Variants in PRCP observed in about 807,000 individuals in gnomAD.
PRCP encodes lysosomal Pro-X carboxypeptidase.
In PRCP, 46 loss-of-function variants were observed where a neutral mutation model predicts 54.2. That is an observed-to-expected ratio of 0.85 (90% CI 0.67 to 1.09). The LOEUF (loss-of-function observed/expected upper bound fraction) is 1.09. PRCP is among the 50% of genes least tolerant of loss of function. PRCP has a pLI of 0.00. For synonymous variants in PRCP, 240 were observed against 212.2 expected, an observed-to-expected ratio of 1.13 and a Z score of -1.14; for missense variants, 613 against 596.8, an observed-to-expected ratio of 1.03 and a Z score of -0.28.
At position 82,839,303 on chromosome 11, in the gene PRCP, C is replaced by T. The variant is rs1043868636; in HGVS notation, c.1044G>A (p.Glu348=). 6.2e-7 allele frequency: 1 copy of T among 1,614,002 alleles called. No homozygotes were observed. The highest frequency in any genetic ancestry group is 1.3e-5 in the African/African-American group (1 of 75,030). Residue 348 remains glutamate, a synonymous_variant, in exon 7 of 9, where the codon GAG becomes GAA. Transcript: ENST00000313010. ...SGQVKCLNIS[E]TATSSLGTLG... Reference sequence around the variant, plus strand: ...GTGTTCCCAGACTGCTAGTTGCTGTCTCTGAAATATTCAGGCATTTCACCT... The same window carrying T: ...GTGTTCCCAGACTGCTAGTTGCTGTTTCTGAAATATTCAGGCATTTCACCT...
At chr11:82,854,427 T>C (rs1859031310) in intron 2 of PRCP, among the ~76,000 whole-genome samples, 2 of 151,758 alleles carry the variant, frequency 1.3e-5, no homozygotes, top group South Asian at 2.1e-4. Flanking sequence ...GAATGAAATA[T>C]CCAGGAATAC....
chr11:82,865,323 G>A (rs1331763060), intron 1 of PRCP, among the ~76,000 whole-genome samples: 1 of 152,146 alleles, frequency 6.6e-6, no homozygotes, highest in Non-Finnish European at 1.5e-5. Context: ...ACTTAAGAGT[G>A]AGTATCTTTC....
chr11:82,900,380 A>T lies in PRCP; in HGVS notation c.23T>A (p.Leu8His). ...GGGCGCCAGAAAAGACAGAAGCAGG[A>T]GCAGGAGGGCTCGGCGGCCCATGGC... MGRRALLLLLLSFLAPWA... is the reference protein window; with the variant it reads MGRRALLHLLLSFLAPWA... The change falls in exon 1 of 9, where the codon CTC (leucine) becomes CAC (histidine). Residue 8 changes from leucine (L) to histidine (H), a missense_variant. Coordinates refer to ENST00000313010, the MANE Select transcript of PRCP (RefSeq NM_005040.4). 1 of 1,613,836 alleles carries T rather than the reference A, an allele frequency of 6.2e-7. No individual in the cohort carries two copies. Among genetic ancestry groups the T allele is most frequent in the Non-Finnish European group, 8.5e-7 (1 of 1,179,874 alleles).
intron 8 of PRCP, among the ~76,000 whole-genome samples, chr11:82,832,701 A>T (rs1256986441): frequency 6.6e-6 from 1 of 152,174 alleles, no homozygotes; most frequent in Non-Finnish European, 1.5e-5. Flanking sequence ...AGAAGTCTTT[A>T]GTTTAATTAG....
intron 1 of PRCP, among the ~76,000 whole-genome samples, chr11:82,867,671 C>A (rs1274931242): frequency 6.6e-6 from 1 of 152,166 alleles, no homozygotes; most frequent in African/African-American, 2.4e-5. Context: ...AATGACACAC[C>A]ACCAGAGGGC....
Position 82,849,945 on chromosome 11 carries a change from G to A in PRCP, c.720C>T (p.Ser240=), listed in dbSNP as rs374219699. 6.6e-7 allele frequency: 1 copy of A among 1,526,682 alleles called. No individual in the cohort carries two copies. The allele number at this position is 1,526,682 out of a possible 1,614,324, so 94.6% of individuals were successfully genotyped here. A position where few individuals can be genotyped will look rare whatever the true frequency, so the allele number is the denominator to read the frequency against. Residue 240 remains serine (S), a synonymous_variant, in exon 5 of 9, where the codon TCC becomes TCT. Transcript: ENST00000313010. ...GPHCSESIHR[S]WDAINRLSNT... is the part of the protein sequence containing the mutation. Reference sequence around the variant, plus strand: ...TTGAGAGTCGATTAATGGCATCCCAGGACCTGTGGATGCTCTCTGAACAAT... The same window carrying A: ...TTGAGAGTCGATTAATGGCATCCCAAGACCTGTGGATGCTCTCTGAACAAT...
chr11:82,899,863 G>T (rs12290550), intron 1 of PRCP: 51,241 of 208,580 alleles, frequency 0.25, 7,093 homozygotes, highest in Admixed American at 0.3. Flanking sequence ...TTGGGGCAAA[G>T]GATGACTATC....
At chr11:82,869,382 G>A (rs1859424863) in intron 1 of PRCP, among the ~76,000 whole-genome samples, 1 of 145,072 alleles carries the variant, frequency 6.9e-6, no homozygotes, top group Non-Finnish European at 1.5e-5. Context: ...AAGAAGAAAA[G>A]AAGAAAAGAA....
In PRCP at chr11:82,844,321, G is replaced by A. The variant is rs536759430; in HGVS notation, c.921+4728C>T. On this transcript the variant is annotated intron_variant, in intron 6 of 8. Transcript: ENST00000313010. ...TCTAGTAATCCCAGTTACTCAGGAGGCTTAAGCAGGAGGATCCCTTGAGCC... is the reference window on the plus strand; with the variant it reads ...TCTAGTAATCCCAGTTACTCAGGAGACTTAAGCAGGAGGATCCCTTGAGCC... 4.6e-5 allele frequency among the ~76,000 whole-genome samples: 7 copies of A among 152,272 alleles called. No individual in the cohort carries two copies. In the South Asian group the frequency reaches 1.5e-3, roughly 32 times the overall value.
At chr11:82,838,961 T>C (rs1858594552) in intron 7 of PRCP, among the ~76,000 whole-genome samples, 1 of 152,234 alleles carries the variant, frequency 6.6e-6, no homozygotes, top group Non-Finnish European at 1.5e-5. Flanking sequence ...TCAAGATCTA[T>C]TGAAATACTA....
chr11:82,864,776 C>T (rs1740449747), intron 1 of PRCP, among the ~76,000 whole-genome samples: 1 of 151,900 alleles, frequency 6.6e-6, no homozygotes, highest in African/African-American at 2.4e-5. Context: ...ACATGCTTCC[C>T]CACTTTACCA....
chr11:82,890,552 C>A (rs991223518), intron 1 of PRCP, among the ~76,000 whole-genome samples: 1 of 152,164 alleles, frequency 6.6e-6, no homozygotes, highest in Non-Finnish European at 1.5e-5. Flanking sequence ...AGCATACATT[C>A]GATTATTTCT....
At chr11:82,841,431 G>C (rs1858669067) in intron 6 of PRCP, among the ~76,000 whole-genome samples, 3 of 152,038 alleles carry the variant, frequency 2.0e-5, no homozygotes. Context: ...CTGTATATTA[G>C]CAAATGTGAA....
At chr11:82,861,192 T>C (rs972129482) in intron 1 of PRCP, among the ~76,000 whole-genome samples, 1 of 152,152 alleles carries the variant, frequency 6.6e-6, no homozygotes, top group Non-Finnish European at 1.5e-5. Flanking sequence ...AAATTCAACA[T>C]TTAACCTGCC....
intron 1 of PRCP, among the ~76,000 whole-genome samples, chr11:82,869,596 T>G (rs1347287131): frequency 6.6e-6 from 1 of 152,186 alleles, no homozygotes; most frequent in East Asian, 1.9e-4. Context: ...AGGCAGGGAC[T>G]TTTTTCTGTT....
chr11:82,886,936 C>T (rs1859874796), intron 1 of PRCP, among the ~76,000 whole-genome samples: 1 of 152,216 alleles, frequency 6.6e-6, no homozygotes, highest in African/African-American at 2.4e-5. Context: ...GGAATATCCA[C>T]ACCGTGTGTA....
At chr11:82,890,060 T>C (rs2121269483) in intron 1 of PRCP, among the ~76,000 whole-genome samples, 1 of 152,046 alleles carries the variant, frequency 6.6e-6, no homozygotes, top group South Asian at 2.1e-4. Flanking sequence ...TGTTCTCACT[T>C]GGCAAAAGTG....
chr11:82,832,238 G>A (rs1481936312), intron 8 of PRCP, among the ~76,000 whole-genome samples: 1 of 152,168 alleles, frequency 6.6e-6, no homozygotes, highest in Admixed American at 6.5e-5. Flanking sequence ...CTAGGAATGG[G>A]ATTGCTGGGT....
At chr11:82,889,848 A>C (rs1055641062) in intron 1 of PRCP, among the ~76,000 whole-genome samples, 2 of 152,238 alleles carry the variant, frequency 1.3e-5, no homozygotes, top group Non-Finnish European at 2.9e-5. Flanking sequence ...GTTTCTGAAA[A>C]GAACAGTGAT....
Sources: gnomAD v4.1 joint callset for allele counts (sites outside exome capture counted in the v4.1 genomes callset) on GRCh38, gnomAD v4.1.1 for gene constraint, MANE v1.5 for transcripts, NCBI Gene and HGNC (gene_info 2026-07-23, HGNC 2026-07-21) for gene names.